LRRC3B: variants seen among roughly 807,000 people sequenced by gnomAD.
LRRC3B encodes the protein leucine rich repeat containing 3B, also known as leucine-rich repeat-containing protein 3B.
Under a neutral mutation model 12.8 loss-of-function variants are expected in LRRC3B, and 2 were observed. The observed-to-expected ratio is 0.16, with a 90% CI of 0.06 to 0.49. The LOEUF (loss-of-function observed/expected upper bound fraction) is 0.49. LRRC3B is among the 20% of genes least tolerant of loss of function. The probability of loss-of-function intolerance (pLI) is 0.96; values close to 1 mark genes in which losing one functional copy is unlikely to be tolerated. For missense variants in LRRC3B, 189 were observed against 319.4 expected (o/e 0.59, Z 3.11); for synonymous variants, 132 against 122.0 (o/e 1.08, Z -0.54).
intron 1 of LRRC3B, among the ~76,000 whole-genome samples, chr3:26,697,702 C>G (rs1436240658): frequency 6.6e-6 from 1 of 152,146 alleles, no homozygotes. Context: ...ACAGCATCAA[C>G]TCAGAGTACA....
chr3:26,638,882 C>T (rs537842785), intron 1 of LRRC3B, among the ~76,000 whole-genome samples: 1 of 152,106 alleles, frequency 6.6e-6, no homozygotes, highest in Non-Finnish European at 1.5e-5. Context: ...GTGTGAACAC[C>T]AGATTGGGAC....
chr3:26,684,075 T>A (rs1416966825), intron 1 of LRRC3B, among the ~76,000 whole-genome samples: 1 of 152,228 alleles, frequency 6.6e-6, no homozygotes, highest in Non-Finnish European at 1.5e-5. Context: ...GATGATTTGC[T>A]CAAGTTGTTA....
At chr3:26,638,234 T>C (rs1282939047) in intron 1 of LRRC3B, among the ~76,000 whole-genome samples, 1 of 152,124 alleles carries the variant, frequency 6.6e-6, no homozygotes, top group Non-Finnish European at 1.5e-5. Flanking sequence ...AAATTAACTA[T>C]CATGACTTTA....
At chr3:26,666,136 C>A (rs1286338438) in intron 1 of LRRC3B, among the ~76,000 whole-genome samples, 1 of 151,986 alleles carries the variant, frequency 6.6e-6, no homozygotes, top group African/African-American at 2.4e-5. Context: ...CGTGGGATGC[C>A]TTTGCAAGAG....
intron 1 of LRRC3B, among the ~76,000 whole-genome samples, chr3:26,709,021 T>C (rs1700679740): frequency 6.6e-6 from 1 of 152,238 alleles, no homozygotes; most frequent in Non-Finnish European, 1.5e-5. Flanking sequence ...AAGATGTTTC[T>C]TTAGAGACAA....
intron 1 of LRRC3B, among the ~76,000 whole-genome samples, chr3:26,667,823 G>C (rs1318340602): frequency 1.3e-5 from 2 of 152,070 alleles, no homozygotes; most frequent in Non-Finnish European, 2.9e-5. Flanking sequence ...AGAAGAGGAT[G>C]AGCCCGGGCA....
At chr3:26,635,302 T>G (rs2125403214) in intron 1 of LRRC3B, among the ~76,000 whole-genome samples, 1 of 152,316 alleles carries the variant, frequency 6.6e-6, no homozygotes, top group East Asian at 1.9e-4. Flanking sequence ...CACCTTGGTC[T>G]ACTGAACTAA....
At chr3:26,683,434 T>C (rs992127120) in intron 1 of LRRC3B, among the ~76,000 whole-genome samples, 3 of 152,152 alleles carry the variant, frequency 2.0e-5, no homozygotes, top group African/African-American at 4.8e-5. Context: ...AGGCCAAACA[T>C]AAGCTCTAGC....
intron 1 of LRRC3B, among the ~76,000 whole-genome samples, chr3:26,667,594 G>A (rs548811551): frequency 7.9e-5 from 12 of 152,268 alleles, no homozygotes; most frequent in Admixed American, 3.9e-4. Context: ...TGAAGCTCCT[G>A]TCATCACATC....
chr3:26,656,744 T>C (rs1263484263), intron 1 of LRRC3B, among the ~76,000 whole-genome samples: 1 of 152,210 alleles, frequency 6.6e-6, no homozygotes, highest in Non-Finnish European at 1.5e-5. Context: ...CTAGAGTCAC[T>C]TGACAAGTTG....
chr3:26,655,043 T>C (rs1254800435), intron 1 of LRRC3B, among the ~76,000 whole-genome samples: 1 of 152,150 alleles, frequency 6.6e-6, no homozygotes, highest in African/African-American at 2.4e-5. Context: ...TTTATCAATC[T>C]ACTTATTTAG....
intron 1 of LRRC3B, among the ~76,000 whole-genome samples, chr3:26,639,422 A>G (rs1392765764): frequency 6.6e-6 from 1 of 152,044 alleles, no homozygotes; most frequent in Non-Finnish European, 1.5e-5. Flanking sequence ...AAACAGGTTC[A>G]TATGTCTAAA....
intron 1 of LRRC3B, among the ~76,000 whole-genome samples, chr3:26,671,373 T>TATATATAGAGAGAGAGAG (rs1261897533): frequency 6.7e-4 from 19 of 28,248 alleles, no homozygotes; most frequent in East Asian, 2.5e-3. Flanking sequence ...TATATATATA[T>TATATATAGAGAGAGAGAG]AGAGAGAGAG....
chr3:26,658,326 G>A (rs66802187), intron 1 of LRRC3B, among the ~76,000 whole-genome samples: 50,247 of 152,146 alleles, frequency 0.33, 9,413 homozygotes, highest in Middle Eastern at 0.46. Context: ...CCAGAGTGCT[G>A]GGATTATAGG....
intron 1 of LRRC3B, among the ~76,000 whole-genome samples, chr3:26,670,649 A>G (rs985548114): frequency 1.3e-5 from 2 of 152,218 alleles, no homozygotes; most frequent in African/African-American, 4.8e-5. Context: ...TATTGTGGAA[A>G]GAAGTAGTGA....
chr3:26,664,612 G>A (rs1476065704), intron 1 of LRRC3B, among the ~76,000 whole-genome samples: 1 of 152,162 alleles, frequency 6.6e-6, no homozygotes, highest in Non-Finnish European at 1.5e-5. Flanking sequence ...AAGTGGTCCT[G>A]TGAAACACTG....
chr3:26,661,285 G>T (rs1699486589), intron 1 of LRRC3B, among the ~76,000 whole-genome samples: 1 of 152,298 alleles, frequency 6.6e-6, no homozygotes, highest in Admixed American at 6.5e-5. Context: ...AAGTCTGTAG[G>T]TAGAGCAAGT....
intron 1 of LRRC3B, among the ~76,000 whole-genome samples, chr3:26,654,895 T>C (rs1039101642): frequency 2.0e-5 from 3 of 152,224 alleles, no homozygotes; most frequent in African/African-American, 7.2e-5. Flanking sequence ...TGGGCTGTTG[T>C]TGCTTTAAAA....
chr3:26,686,851 A>T (rs1021817748), intron 1 of LRRC3B, among the ~76,000 whole-genome samples: 2 of 152,190 alleles, frequency 1.3e-5, no homozygotes, highest in Admixed American at 1.3e-4. Flanking sequence ...CCAGCTCTGG[A>T]TCTAGACTGG....
Sources: allele counts gnomAD v4.1 joint callset (sites outside exome capture counted in the v4.1 genomes callset), GRCh38; gene constraint gnomAD v4.1.1; transcripts MANE v1.5; gene names NCBI Gene and HGNC (gene_info 2026-07-23, HGNC 2026-07-21).